The following LDHB variants were observed in gnomAD, a reference collection of about 807,000 sequenced individuals.
LDHB encodes L-lactate dehydrogenase B chain.
In LDHB, 18 loss-of-function variants were observed where a neutral mutation model predicts 33.4. The ratio of observed to expected loss-of-function variants is 0.54; its 90% CI spans 0.37 to 0.80. The LOEUF (loss-of-function observed/expected upper bound fraction) is 0.80. Among genes scored for constraint, LDHB ranks in the 30% least tolerant of loss-of-function variants. The probability of loss-of-function intolerance (pLI) is 0.00; values close to 1 mark genes in which losing one functional copy is unlikely to be tolerated. For missense variants in LDHB, 345 were observed against 407.9 expected (o/e 0.85, Z 1.33); for synonymous variants, 121 against 140.6 (o/e 0.86, Z 0.98).
In LDHB at chr12:21,635,639, C is replaced by G; in HGVS notation, c.908G>C (p.Ser303Thr). The G allele has an allele frequency of 6.2e-7, 1 of 1,613,692 alleles. No homozygotes were observed. The highest frequency in any genetic ancestry group is 8.5e-7 in the Non-Finnish European group (1 of 1,179,806). The change falls in exon 8 of 8, where the codon AGC becomes ACC. Residue 303 changes from serine to threonine, a missense_variant. Coordinates refer to ENST00000350669, the MANE Select transcript of LDHB (RefSeq NM_002300.8). ...ATCCTTTAGCTTCTGGTTGATAACG[C>G]TGGTTAATCCCCGGGCATTGAGGAT... is the stretch of plus-strand genomic sequence containing the variant. ...PCILNARGLTSVINQKLKDDE... is the reference protein window; with the variant it reads ...PCILNARGLTTVINQKLKDDE...
rs528559998 is a variant in LDHB at position 21,653,516 on chromosome 12, G to A, written c.129+1027C>T. On this transcript the variant is annotated intron_variant, in intron 2 of 7. Coordinates refer to ENST00000350669, the MANE Select transcript of LDHB (RefSeq NM_002300.8). ...TGCTCTAAAGGACATGTAAGTAAAG[G>A]GCATAATATCTGCAATTTATTCTCA... 1.1e-4 allele frequency among the ~76,000 whole-genome samples: 17 copies of A among 152,160 alleles called. No individual in the cohort carries two copies. The East Asian group carries it at 1.3e-3, about 12-fold the overall frequency.
Position 21,650,136 on chromosome 12 carries a change from ACACACACACACACACG to A in LDHB, c.130-3136_130-3121del, listed in dbSNP as rs1232467376. 2.1e-3 allele frequency among the ~76,000 whole-genome samples: 319 copies of A among 149,200 alleles called. 10 individuals are homozygous for A. The highest frequency in any genetic ancestry group is 0.011 in the Admixed American group (159 of 14,996). ...CACACACACACACACACACACACACACACACACACACACACGTCTCTCTCTCCAAGTGTTTAGTATG... is the reference window on the plus strand; with the variant it reads ...CACACACACACACACACACACACACATCTCTCTCTCCAAGTGTTTAGTATG... On this transcript the variant is annotated intron_variant, in intron 2 of 7. Coordinates refer to ENST00000350669, the MANE Select transcript of LDHB (RefSeq NM_002300.8).
chr12:21,655,887 A>T (rs1938830373), intron 1 of LDHB, among the ~76,000 whole-genome samples: 2 of 152,258 alleles, frequency 1.3e-5, no homozygotes, highest in Admixed American at 1.3e-4. Context: ...GGCAATTTAT[A>T]GTACACTAAA....
In LDHB at chr12:21,654,549, C is replaced by T; in HGVS notation, c.123G>A (p.Leu41=). 3 of 1,613,994 alleles carry T rather than the reference C, an allele frequency of 1.9e-6. No individual in the cohort carries two copies. Among genetic ancestry groups the T allele is most frequent in the Non-Finnish European group, 1.7e-6 (2 of 1,179,932 alleles). ...TGGTGTTCTTGAAATGTACCTTTCCCAGAATGCTGATAGCACACGCCATAC... is the reference window on the plus strand; with the variant it reads ...TGGTGTTCTTGAAATGTACCTTTCCTAGAATGCTGATAGCACACGCCATAC... ...QVGMACAISI[L]GKSLADELAL... The change falls in exon 2 of 8, where the codon CTG becomes CTA. Residue 41 remains leucine, a synonymous_variant. Transcript: ENST00000350669.
Position 21,654,566 on chromosome 12 carries a change from A to G in LDHB, c.106T>C (p.Cys36Arg). The G allele has an allele frequency of 6.2e-7, 1 of 1,614,174 alleles. No homozygotes were observed. Among genetic ancestry groups the G allele is most frequent in the Non-Finnish European group, 8.5e-7 (1 of 1,179,990 alleles). The change falls in exon 2 of 8, where the codon TGT (cysteine) becomes CGT (arginine). Residue 36 changes from cysteine (C) to arginine (R), a missense_variant. By Grantham distance (180) the Cys-to-Arg change is radical (BLOSUM62 -3). Transcript: ENST00000350669. Reference protein sequence around the residue: ...VVGVGQVGMACAISILGKSLA... With the variant: ...VVGVGQVGMARAISILGKSLA... ...ACCTTTCCCAGAATGCTGATAGCAC[A>G]CGCCATACCAACTTGTCCAACACCC...
intron 4 of LDHB, among the ~76,000 whole-genome samples, chr12:21,642,938 G>A (rs1450788656): frequency 6.6e-6 from 1 of 152,194 alleles, no homozygotes; most frequent in Admixed American, 6.5e-5. Flanking sequence ...GCTATATGTA[G>A]AAAGTTGCAT....
chr12:21,655,045 C>G (rs1365247629), intron 1 of LDHB, among the ~76,000 whole-genome samples: 1 of 152,032 alleles, frequency 6.6e-6, no homozygotes, highest in Non-Finnish European at 1.5e-5. Flanking sequence ...CACTTGAACC[C>G]AGGAAGTGGA....
In LDHB at chr12:21,649,476, T is replaced by G. The variant is rs563011977; in HGVS notation, c.130-2460A>C. On this transcript the variant is annotated intron_variant, in intron 2 of 7. Coordinates refer to ENST00000350669, the MANE Select transcript of LDHB (RefSeq NM_002300.8). ...TATTTTATACAATGAATTTTCCATATATATATTTCACTTAAGCTGTAAGCA... is the reference window on the plus strand; with the variant it reads ...TATTTTATACAATGAATTTTCCATAGATATATTTCACTTAAGCTGTAAGCA... Among the ~76,000 whole-genome samples the G allele has an allele frequency of 1.4e-3, 213 of 152,316 alleles. 2 individuals carry two copies. The highest frequency in any genetic ancestry group is 2.5e-3 in the Non-Finnish European group (167 of 68,024).
chr12:21,640,112 A>C (rs531993442), intron 5 of LDHB, among the ~76,000 whole-genome samples: 1 of 147,812 alleles, frequency 6.8e-6, no homozygotes, highest in South Asian at 2.2e-4. Context: ...ATTATTAATA[A>C]AATATTTTAA....
chr12:21,635,733 G>C, intron 7 of LDHB, 24 bp from the exon 8 acceptor site: 1 of 1,608,974 alleles, frequency 6.2e-7, no homozygotes, highest in South Asian at 1.1e-5. Flanking sequence ...AAAGCATCGA[G>C]ATTAAGACAT....
chr12:21,641,906 G>A (rs747704407), intron 5 of LDHB, 46 bp downstream of exon 5: 1 of 1,517,628 alleles, frequency 6.6e-7, no homozygotes, highest in South Asian at 1.2e-5. Context: ...AATTCAAAAT[G>A]GCAAAACCAA....
At chr12:21,654,401 T>C (rs1938778902) in intron 2 of LDHB, 142 bp downstream of exon 2, 1 of 728,826 alleles carries the variant, frequency 1.4e-6, no homozygotes, top group Non-Finnish European at 2.4e-6. Flanking sequence ...TATTTGAAAG[T>C]GAAGTGGGAT....
At chr12:21,646,220 G>A (rs1591831978) in intron 3 of LDHB, among the ~76,000 whole-genome samples, 1 of 152,204 alleles carries the variant, frequency 6.6e-6, no homozygotes, top group South Asian at 2.1e-4. Flanking sequence ...TAAATTGAGA[G>A]CTGTGCAGGC....
In LDHB at chr12:21,652,826, A is replaced by G. The variant is rs1938733303; in HGVS notation, c.129+1717T>C. Among the ~76,000 whole-genome samples the G allele has an allele frequency of 2.0e-5, 3 of 152,348 alleles. No individual in the cohort carries two copies. In the South Asian group the frequency reaches 6.2e-4, roughly 32 times the overall value. On this transcript the variant is annotated intron_variant, in intron 2 of 7. Coordinates refer to ENST00000350669, the MANE Select transcript of LDHB (RefSeq NM_002300.8). ...AGTCAATTGAAACTAGCTAGAAGCA[A>G]ATGCAAAAGGATAAAATGTTCATGG...
At chr12:21,656,223 G>GT (rs1002006975) in intron 1 of LDHB, among the ~76,000 whole-genome samples, 9 of 151,954 alleles carry the variant, frequency 5.9e-5, no homozygotes, top group African/African-American at 9.7e-5. Context: ...TTATCTTATA[G>GT]TTTTTTTTCC....
chr12:21,649,920 T>C (rs925257908), intron 2 of LDHB, among the ~76,000 whole-genome samples: 4 of 151,934 alleles, frequency 2.6e-5, no homozygotes, highest in African/African-American at 9.7e-5. Context: ...AGTGAAACCC[T>C]GTCTCTACTA....
chr12:21,644,440 AAAAAAC>A (rs1565627649), intron 3 of LDHB, among the ~76,000 whole-genome samples: 1 of 138,860 alleles, frequency 7.2e-6, no homozygotes, highest in Admixed American at 7.4e-5. Context: ...AAAAAAAAAA[AAAAAAC>A]AAAAACAAAA....
At chr12:21,643,066 A>G (rs1616390) in intron 4 of LDHB, among the ~76,000 whole-genome samples, 143,944 of 152,290 alleles carry the variant, frequency 0.95, 68,528 homozygotes, top group East Asian at 1. Flanking sequence ...AGTTTTATAT[A>G]TAAGACTGAA....
chr12:21,646,785 A>C, intron 3 of LDHB, 114 bp downstream of exon 3: 1 of 743,464 alleles, frequency 1.3e-6, no homozygotes, highest in Admixed American at 1.9e-5. Flanking sequence ...ACTGTTCCAA[A>C]ACTTCAACCT....
Sources: allele counts gnomAD v4.1 joint callset (sites outside exome capture counted in the v4.1 genomes callset), GRCh38; gene constraint gnomAD v4.1.1; transcripts MANE v1.5; gene names NCBI Gene and HGNC (gene_info 2026-07-23, HGNC 2026-07-21).